The following CCDC40 variants were observed in gnomAD, a reference collection of about 807,000 sequenced individuals.
The protein encoded by CCDC40 is coiled-coil domain 40 molecular ruler complex subunit.
Under a neutral mutation model 124.5 loss-of-function variants are expected in CCDC40, and 104 were observed. That is an observed-to-expected ratio of 0.84 (90% confidence interval 0.71 to 0.98). The LOEUF is 0.98. Ranked by LOEUF, CCDC40 falls within the 50% of genes least tolerant of loss-of-function variation. The pLI is 0.00. For missense variants in CCDC40, 1,463 were observed against 1,503.9 expected, an observed-to-expected ratio of 0.97 and a Z score of 0.45; for synonymous variants, 580 against 602.9, an observed-to-expected ratio of 0.96 and a Z score of 0.56.
intron 12 of CCDC40, among the ~76,000 whole-genome samples, chr17:80,083,108 G>T (rs1167880633): frequency 6.7e-6 from 1 of 149,060 alleles, no homozygotes; most frequent in Non-Finnish European, 1.5e-5. Flanking sequence ...AGCCAGGGTG[G>T]GCTCCACAGA....
At chr17:80,067,332 G>A (rs1036370989) in intron 10 of CCDC40, 7 of 589,316 alleles carry the variant, frequency 1.2e-5, no homozygotes, top group African/African-American at 1.1e-4. Flanking sequence ...GCAGTCACTA[G>A]AACCCCCTCC....
At chr17:80,053,641 G>A (rs2037662071) in intron 7 of CCDC40, among the ~76,000 whole-genome samples, 1 of 152,154 alleles carries the variant, frequency 6.6e-6, no homozygotes, top group Admixed American at 6.5e-5. Context: ...CGCCCAGGCT[G>A]GAGTGCAGTG....
intron 10 of CCDC40, among the ~76,000 whole-genome samples, chr17:80,077,929 C>T (rs538409915): frequency 6.6e-6 from 1 of 152,266 alleles, no homozygotes; most frequent in South Asian, 2.1e-4. Flanking sequence ...TCTTTTTTAC[C>T]TCTTTACAGT....
At chr17:80,051,188 C>T in intron 7 of CCDC40, 2 of 231,552 alleles carry the variant, frequency 8.6e-6, no homozygotes, top group Non-Finnish European at 1.4e-5. Context: ...GTGTATTACT[C>T]TTATAATGGG....
chr17:80,037,720 T>TATATATATA (rs1555889200), intron 1 of CCDC40, among the ~76,000 whole-genome samples: 83 of 141,298 alleles, frequency 5.9e-4, no homozygotes, highest in Middle Eastern at 3.6e-3. Context: ...TATATATATA[T>TATATATATA]TCCTGTGCTA....
In CCDC40 at chr17:80,086,139, AG is replaced by A; in HGVS notation, c.2374del (p.Glu792ArgfsTer24). ...GAGATGGTCAAGGTGACACAGGAGC[AG>A]GAGGAGCAGCTGGCCTCCCTGGACG... ...QQEMVKVTQE[Q>X]EEQLASLDAS... On this transcript the variant is annotated frameshift_variant, in exon 14 of 20. Transcript: ENST00000397545. LOFTEE classifies it high-confidence loss of function. The surrounding 1 kb of genome is among the most constrained non-coding windows in gnomAD (Gnocchi z 5.5). 6.2e-7 allele frequency: 1 copy of A among 1,614,130 alleles called. No homozygotes were observed. Among genetic ancestry groups the A allele is most frequent in the Non-Finnish European group, 8.5e-7 (1 of 1,180,012 alleles).
chr17:80,043,363 GGT>G (rs990166402), intron 3 of CCDC40, among the ~76,000 whole-genome samples: 4 of 152,074 alleles, frequency 2.6e-5, no homozygotes, highest in Admixed American at 6.6e-5. Context: ...TTGATGCTGG[GGT>G]GTCACTGTCC....
At chr17:80,059,564 C>CTTT (rs11429330) in intron 9 of CCDC40, among the ~76,000 whole-genome samples, 3 of 142,488 alleles carry the variant, frequency 2.1e-5, no homozygotes, top group East Asian at 2.0e-4. Context: ...AAACAATTAA[C>CTTT]TTTTTTTTTT....
chr17:80,056,348 G>A (rs905876316), intron 7 of CCDC40, among the ~76,000 whole-genome samples: 5 of 152,086 alleles, frequency 3.3e-5, no homozygotes, highest in African/African-American at 4.8e-5. Flanking sequence ...GGCCAGGTGC[G>A]GAGGCTCACG....
chr17:80,093,483 AGCTGATT>A (rs1012746333), intron 17 of CCDC40, among the ~76,000 whole-genome samples: 3 of 140,160 alleles, frequency 2.1e-5, no homozygotes, highest in Admixed American at 1.4e-4. Context: ...GTGCCCGGCC[AGCTGATT>A]TTAATATTAG....
chr17:80,083,366 C>T (rs2038504551), intron 12 of CCDC40, among the ~76,000 whole-genome samples: 1 of 152,164 alleles, frequency 6.6e-6, no homozygotes, highest in African/African-American at 2.4e-5. Flanking sequence ...CACCTGGGGA[C>T]ATTGGGTCTC....
At chr17:80,067,914 A>G (rs1254065094) in intron 10 of CCDC40, 1 of 1,320,276 alleles carries the variant, frequency 7.6e-7, no homozygotes, top group African/African-American at 1.5e-5. Context: ...TGTTGAGTGA[A>G]TATTTTAGTG....
Position 80,086,888 on chromosome 17 carries a change from C to A in CCDC40, c.2449+672C>A. On this transcript the variant is annotated intron_variant, in intron 14 of 19. Coordinates refer to ENST00000397545, the MANE Select transcript of CCDC40 (RefSeq NM_017950.4). The surrounding 1 kb of genome is among the most constrained non-coding windows in gnomAD (Gnocchi z 5.5). ...CTGCCCTTCTTGGGTTGCCCAAACCCGTCTGTTGGTGAGTAGCAAGTCCCA... is the reference window on the plus strand; with the variant it reads ...CTGCCCTTCTTGGGTTGCCCAAACCAGTCTGTTGGTGAGTAGCAAGTCCCA... 1 of 160,122 alleles carries A rather than the reference C, an allele frequency of 6.2e-6. No individual in the cohort carries two copies. Among genetic ancestry groups the A allele is most frequent in the Non-Finnish European group, 1.4e-5 (1 of 72,534 alleles). The allele number at this position is 160,122 out of a possible 1,614,324, so 9.9% of individuals were successfully genotyped here.
intron 4 of CCDC40, 81 bp downstream of exon 4, chr17:80,047,483 T>A: frequency 2.1e-6 from 3 of 1,447,126 alleles, no homozygotes; most frequent in Non-Finnish European, 2.8e-6. Context: ...ATGCCACTCG[T>A]TTGTCATCCG....
Position 80,086,124 on chromosome 17 carries a change from A to C in CCDC40, c.2357A>C (p.Lys786Thr). Reference sequence around the variant, plus strand: ...CTGCGCCTGCAGCAGGAGATGGTCAAGGTGACACAGGAGCAGGAGGAGCAG... The same window carrying C: ...CTGCGCCTGCAGCAGGAGATGGTCACGGTGACACAGGAGCAGGAGGAGCAG... ...TWLRLQQEMV[K>T]VTQEQEEQLA... Residue 786 changes from lysine (K) to threonine (T), a missense_variant, in exon 14 of 20, where the codon AAG becomes ACG. Physicochemically the swap from Lys to Thr is moderately conservative, Grantham distance 78. Coordinates refer to ENST00000397545, the MANE Select transcript of CCDC40 (RefSeq NM_017950.4). This position sits in a 1 kb window ranked among gnomAD's most constrained non-coding sequence, Gnocchi z 5.5. 1 of 1,614,126 alleles carries C rather than the reference A, an allele frequency of 6.2e-7. No homozygotes were observed. Among genetic ancestry groups the C allele is most frequent in the Non-Finnish European group, 8.5e-7 (1 of 1,180,012 alleles).
chr17:80,056,559 A>T (rs1254345543), intron 7 of CCDC40, among the ~76,000 whole-genome samples: 1 of 152,168 alleles, frequency 6.6e-6, no homozygotes, highest in African/African-American at 2.4e-5. Flanking sequence ...AGCTGCGGTG[A>T]GCTATGATTG....
At position 80,057,037 on chromosome 17, in the gene CCDC40, T is replaced by G. The variant is rs971677822; in HGVS notation, c.1160-1457T>G. Among the ~76,000 whole-genome samples the G allele has an allele frequency of 6.6e-3, 520 of 78,884 alleles. 4 individuals carry two copies. Among genetic ancestry groups the G allele is most frequent in the African/African-American group, 0.043 (477 of 11,120 alleles). 51.8% of individuals were successfully genotyped at this position (78,884 alleles called of 152,430 possible). The stretch of plus-strand genomic sequence containing the variant: ...CTGGGCGACAGAGTGAGACTCTGTC[T>G]CAAAAAAAAAAAAAAGAAGAATAGC... On this transcript the variant is annotated intron_variant, in intron 7 of 19. Transcript: ENST00000397545.
At chr17:80,083,203 T>C (rs2038499816) in intron 12 of CCDC40, among the ~76,000 whole-genome samples, 1 of 145,366 alleles carries the variant, frequency 6.9e-6, no homozygotes, top group East Asian at 2.0e-4. Context: ...CCATAGCCCC[T>C]GCAGGGCAGT....
chr17:80,097,511 AC>A, intron 19 of CCDC40, 108 bp downstream of exon 19: 2 of 1,194,552 alleles, frequency 1.7e-6, no homozygotes, highest in Non-Finnish European at 2.4e-6. Context: ...TGATCAGGTC[AC>A]GGCCTCTCCT....
Sources: allele counts gnomAD v4.1 joint callset (sites outside exome capture counted in the v4.1 genomes callset), GRCh38; gene constraint gnomAD v4.1.1; non-coding constraint Gnocchi (gnomAD v3.1); transcripts MANE v1.5; gene names NCBI Gene and HGNC (gene_info 2026-07-23, HGNC 2026-07-21).